Variants in KCNIP4 observed in about 807,000 individuals in gnomAD.
KCNIP4 encodes Kv channel-interacting protein 4.
KCNIP4 carries 12 observed loss-of-function variants against 34.0 expected under a neutral mutation model. The observed-to-expected ratio is 0.35, with a 90% CI of 0.23 to 0.57. The LOEUF is 0.57. Among genes scored for constraint, KCNIP4 ranks in the 20% least tolerant of loss-of-function variants. The pLI is 0.83. For missense variants in KCNIP4, 238 were observed against 311.7 expected, an observed-to-expected ratio of 0.76 and a Z score of 1.78; for synonymous variants, 124 against 102.2, an observed-to-expected ratio of 1.21 and a Z score of -1.29.
intron 1 of KCNIP4, among the ~76,000 whole-genome samples, chr4:21,088,895 G>C (rs2109038543): frequency 6.6e-6 from 1 of 152,080 alleles, no homozygotes; most frequent in East Asian, 1.9e-4. Flanking sequence ...AACTATTATT[G>C]CTTTATTCTC....
chr4:21,185,428 T>A (rs73805051), intron 1 of KCNIP4, among the ~76,000 whole-genome samples: 370 of 151,926 alleles, frequency 2.4e-3, no homozygotes, highest in African/African-American at 7.9e-3. Context: ...CTCTCTGTCC[T>A]CTTCCTCTTC....
intron 1 of KCNIP4, among the ~76,000 whole-genome samples, chr4:20,961,260 G>GA (rs909859416): frequency 5.9e-4 from 89 of 151,802 alleles, no homozygotes; most frequent in African/African-American, 1.9e-3. Flanking sequence ...CAAACAAAAG[G>GA]AAAAAAAATC....
intron 3 of KCNIP4, among the ~76,000 whole-genome samples, chr4:20,771,968 C>T (rs1755929089): frequency 6.6e-6 from 1 of 152,224 alleles, no homozygotes; most frequent in East Asian, 1.9e-4. Flanking sequence ...CTGTGCCCAG[C>T]TGAATAAAAC....
chr4:20,941,447 A>C (rs938234143), intron 1 of KCNIP4, among the ~76,000 whole-genome samples: 9 of 152,230 alleles, frequency 5.9e-5, no homozygotes, highest in African/African-American at 2.2e-4. Flanking sequence ...AAGCTAGTAC[A>C]GAAAGGAAGT....
rs1167316494 is a variant in KCNIP4 at position 21,400,537 on chromosome 4, T to TC, written c.62-517829dup. On this transcript the variant is annotated intron_variant, in intron 1 of 8. Coordinates refer to ENST00000382152, the MANE Select transcript of KCNIP4 (RefSeq NM_025221.6). Reference sequence around the variant, plus strand: ...CCTCTTCTCTTCTCTTCTCTTCTCTTCTCTTCTCTTCTCTTCTCTTCTCTT... The same window carrying TC: ...CCTCTTCTCTTCTCTTCTCTTCTCTTCCTCTTCTCTTCTCTTCTCTTCTCTT... Among the ~76,000 whole-genome samples the TC allele has an allele frequency of 4.6e-3, 375 of 82,180 alleles. 6 individuals carry two copies. Among genetic ancestry groups the TC allele is most frequent in the African/African-American group, 0.021 (345 of 16,066 alleles). The allele number at this position is 82,180 out of a possible 152,430, so 53.9% of individuals were successfully genotyped here. A position where few individuals can be genotyped will look rare whatever the true frequency, so the allele number is the denominator to read the frequency against.
At chr4:21,143,325 G>A (rs1303623852) in intron 1 of KCNIP4, among the ~76,000 whole-genome samples, 1 of 152,204 alleles carries the variant, frequency 6.6e-6, no homozygotes, top group East Asian at 1.9e-4. Context: ...TGCAGATAGA[G>A]AAGATTAAGT....
intron 1 of KCNIP4, among the ~76,000 whole-genome samples, chr4:21,329,414 T>C (rs988249760): frequency 6.6e-5 from 10 of 152,154 alleles, no homozygotes; most frequent in Non-Finnish European, 1.0e-4. Context: ...TTTCAATAGA[T>C]TTTACTCTAC....
intron 1 of KCNIP4, among the ~76,000 whole-genome samples, chr4:21,051,284 T>C (rs542309469): frequency 6.6e-6 from 1 of 152,332 alleles, no homozygotes; most frequent in South Asian, 2.1e-4. Context: ...TAAGTTTTGA[T>C]AGATAAGCAA....
chr4:21,200,051 G>A (rs1756353965), intron 1 of KCNIP4, among the ~76,000 whole-genome samples: 1 of 151,820 alleles, frequency 6.6e-6, no homozygotes. Context: ...TGGGGTGGGG[G>A]AAGCGGGGAG....
intron 1 of KCNIP4, among the ~76,000 whole-genome samples, chr4:21,015,434 A>G (rs1398934746): frequency 7.0e-6 from 1 of 142,832 alleles, no homozygotes; most frequent in East Asian, 2.0e-4. Context: ...TCATGGTTAT[A>G]TATAATATAT....
Position 21,606,061 on chromosome 4 carries a change from T to TGTAA in KCNIP4, c.61+342509_61+342510insTTAC, listed in dbSNP as rs1439682877. 2.0e-5 allele frequency among the ~76,000 whole-genome samples: 3 copies of TGTAA among 152,288 alleles called. No individual in the cohort carries two copies. In the East Asian group the frequency reaches 5.8e-4, roughly 29 times the overall value. ...GCCCTAAGCATTAAATTCAGTACCC[T>TGTAA]GAACAATCTTACTGGGGAGTTGAAC... On this transcript the variant is annotated intron_variant, in intron 1 of 8. Transcript: ENST00000382152.
intron 1 of KCNIP4, among the ~76,000 whole-genome samples, chr4:21,668,988 G>A (rs965753079): frequency 2.0e-5 from 3 of 152,058 alleles, no homozygotes; most frequent in African/African-American, 7.2e-5. Context: ...CTAAAAATCA[G>A]CAAGACCACC....
At position 21,259,527 on chromosome 4, in the gene KCNIP4, C is replaced by A. The variant is rs185806262; in HGVS notation, c.62-376818G>T. ...TCCAATCTTTGTTTTTCACCAGCTT[C>A]TCCAGTCCCTTTCTGCCATTGGCTA... On this transcript the variant is annotated intron_variant, in intron 1 of 8. Coordinates refer to ENST00000382152, the MANE Select transcript of KCNIP4 (RefSeq NM_025221.6). 1.3e-3 allele frequency among the ~76,000 whole-genome samples: 201 copies of A among 152,266 alleles called. 1 individual carries two copies. The highest frequency in any genetic ancestry group is 4.5e-3 in the African/African-American group (187 of 41,562).
chr4:21,720,639 G>A (rs1388906124), intron 1 of KCNIP4, among the ~76,000 whole-genome samples: 3 of 149,370 alleles, frequency 2.0e-5, no homozygotes, highest in South Asian at 2.1e-4. Context: ...CCATTAACTC[G>A]TCATTTACAT....
At chr4:20,984,261 T>C (rs568691655) in intron 1 of KCNIP4, among the ~76,000 whole-genome samples, 1 of 152,340 alleles carries the variant, frequency 6.6e-6, no homozygotes, top group East Asian at 1.9e-4. Context: ...CTGGAGACTT[T>C]GCAGTGTCCG....
intron 1 of KCNIP4, among the ~76,000 whole-genome samples, chr4:21,254,486 C>T (rs904190084): frequency 3.3e-5 from 5 of 152,164 alleles, no homozygotes; most frequent in Non-Finnish European, 7.3e-5. Context: ...CACGGTTATG[C>T]ATTTAAAATC....
chr4:20,820,257 C>T (rs914603407), intron 3 of KCNIP4, among the ~76,000 whole-genome samples: 4 of 151,942 alleles, frequency 2.6e-5, no homozygotes, highest in Non-Finnish European at 5.9e-5. Flanking sequence ...AAATGAGGAA[C>T]GAGGGATTGT....
At chr4:20,965,550 A>C (rs992949136) in intron 1 of KCNIP4, among the ~76,000 whole-genome samples, 1 of 152,206 alleles carries the variant, frequency 6.6e-6, no homozygotes, top group African/African-American at 2.4e-5. Context: ...TCCAGGACTT[A>C]ACTTGTGCCC....
rs555815337 is a variant in KCNIP4 at position 20,875,877 on chromosome 4, G to A, written c.163+6731C>T. Among the ~76,000 whole-genome samples the A allele has an allele frequency of 6.6e-5, 10 of 152,196 alleles. No individual in the cohort carries two copies. The South Asian group carries it at 1.0e-3, about 16-fold the overall frequency. On this transcript the variant is annotated intron_variant, in intron 2 of 8. Coordinates refer to ENST00000382152, the MANE Select transcript of KCNIP4 (RefSeq NM_025221.6). Reference sequence around the variant, plus strand: ...AAATTTCTATGATCAATATGCTACCGGGAAAAACAAAACACACTGAAATGT... The same window carrying A: ...AAATTTCTATGATCAATATGCTACCAGGAAAAACAAAACACACTGAAATGT...
Sources: allele counts gnomAD v4.1 joint callset (sites outside exome capture counted in the v4.1 genomes callset), GRCh38; gene constraint gnomAD v4.1.1; transcripts MANE v1.5; gene names NCBI Gene and HGNC (gene_info 2026-07-23, HGNC 2026-07-21).